Variants in SLC9D1 observed in about 807,000 individuals in gnomAD.
SLC9D1 encodes the protein putative LAG1-interacting protein.
chr13:113,543,946 C>G, the SLC9D1 span, among the ~76,000 whole-genome samples: 9 of 152,320 alleles, frequency 5.9e-5, no homozygotes, highest in East Asian at 1.7e-3. Flanking sequence ...TTGTTTATAG[C>G]TCACTTTTTT....
the SLC9D1 span, among the ~76,000 whole-genome samples, chr13:113,532,653 A>C: frequency 2.0e-5 from 3 of 151,632 alleles, no homozygotes; most frequent in Non-Finnish European, 4.4e-5. Context: ...AGCTGTCAGG[A>C]GTGCGGCAGG....
the SLC9D1 span, chr13:113,491,028 C>G: frequency 6.2e-6 from 1 of 162,326 alleles, no homozygotes; most frequent in African/African-American, 2.4e-5. Context: ...GGCGGGAGTC[C>G]GGGTCGGCTT....
the SLC9D1 span, chr13:113,501,873 G>A: frequency 1.2e-6 from 2 of 1,608,712 alleles, no homozygotes; most frequent in South Asian, 1.1e-5. Flanking sequence ...GGACTAAATA[G>A]TATTAAGGTA....
At chr13:113,524,196 C>G in the SLC9D1 span, 1 of 455,452 alleles carries the variant, frequency 2.2e-6, no homozygotes, top group Non-Finnish European at 4.4e-6. Context: ...ATTGAAGTCC[C>G]CCGTTAGAAT....
At chr13:113,527,009 G>C in the SLC9D1 span, among the ~76,000 whole-genome samples, 1 of 152,252 alleles carries the variant, frequency 6.6e-6, no homozygotes, top group Non-Finnish European at 1.5e-5. Context: ...GCAGTGCCAG[G>C]CGGCCTGGGT....
chr13:113,540,258 C>A, the SLC9D1 span, among the ~76,000 whole-genome samples: 2 of 152,166 alleles, frequency 1.3e-5, no homozygotes, highest in Non-Finnish European at 2.9e-5. Flanking sequence ...GCAAACTCAG[C>A]AGTGGGATTG....
chr13:113,536,514 A>G, the SLC9D1 span: 2 of 948,888 alleles, frequency 2.1e-6, no homozygotes, highest in Non-Finnish European at 1.3e-6. Context: ...TGTTTTATCC[A>G]TTCCAGAGTA....
the SLC9D1 span, among the ~76,000 whole-genome samples, chr13:113,546,062 C>T: frequency 3.9e-5 from 6 of 152,026 alleles, no homozygotes; most frequent in African/African-American, 9.7e-5. This position sits in a 1 kb window ranked among gnomAD's most constrained non-coding sequence, Gnocchi z 7.1. Context: ...CCTGTGTGGC[C>T]GCGATGTGAG....
At chr13:113,492,188 A>G in the SLC9D1 span, among the ~76,000 whole-genome samples, 1 of 152,110 alleles carries the variant, frequency 6.6e-6, no homozygotes, top group Admixed American at 6.5e-5. Context: ...GTTGCCCAGG[A>G]TGATCTCCAA....
chr13:113,506,558 A>AGTGTGTGTGTGTGTGTGT, the SLC9D1 span, among the ~76,000 whole-genome samples: 1 of 109,780 alleles, frequency 9.1e-6, no homozygotes, highest in Non-Finnish European at 1.8e-5. Context: ...TGTGTGTGTG[A>AGTGTGTGTGTGTGTGTGT]GTGTGTGTGT....
chr13:113,534,240 G>A, the SLC9D1 span: 3 of 1,608,004 alleles, frequency 1.9e-6, no homozygotes, highest in Non-Finnish European at 2.6e-6. Flanking sequence ...TAATGTTAAC[G>A]GTAATTCTCA....
the SLC9D1 span, among the ~76,000 whole-genome samples, chr13:113,539,139 T>C: frequency 6.6e-6 from 1 of 152,178 alleles, no homozygotes; most frequent in South Asian, 2.1e-4. This position sits in a 1 kb window ranked among gnomAD's most constrained non-coding sequence, Gnocchi z 4.8. Context: ...TTTTAAACAA[T>C]TTTTTTCTCC....
At chr13:113,532,112 G>A in the SLC9D1 span, among the ~76,000 whole-genome samples, 3 of 152,224 alleles carry the variant, frequency 2.0e-5, no homozygotes, top group African/African-American at 7.2e-5. Flanking sequence ...TCTGCACACA[G>A]TGCTCTAGGG....
At chr13:113,501,101 T>G in the SLC9D1 span, among the ~76,000 whole-genome samples, 1 of 152,152 alleles carries the variant, frequency 6.6e-6, no homozygotes, top group Non-Finnish European at 1.5e-5. Flanking sequence ...GCCACGTGAA[T>G]TACAGTTTGG....
chr13:113,509,876 C>T, the SLC9D1 span, among the ~76,000 whole-genome samples: 1 of 152,178 alleles, frequency 6.6e-6, no homozygotes, highest in Admixed American at 6.5e-5. Context: ...TTCCTGGCTC[C>T]AACATTTACT....
At chr13:113,510,065 C>T in the SLC9D1 span, among the ~76,000 whole-genome samples, 28,192 of 152,118 alleles carry the variant, frequency 0.19, 3,453 homozygotes, top group African/African-American at 0.35. Flanking sequence ...CAGTGCCTGG[C>T]ACAGAGGAAG....
chr13:113,540,179 T>G, the SLC9D1 span, among the ~76,000 whole-genome samples: 1 of 152,220 alleles, frequency 6.6e-6, no homozygotes, highest in Non-Finnish European at 1.5e-5. Flanking sequence ...TTTGCTGCTG[T>G]GAATGGCGCG....
At chr13:113,526,070 G>A in the SLC9D1 span, among the ~76,000 whole-genome samples, 271 of 151,788 alleles carry the variant, frequency 1.8e-3, no homozygotes, top group East Asian at 3.1e-3. Context: ...CGTCGTCGTC[G>A]TAGGAGACGA....
chr13:113,527,427 G>C, the SLC9D1 span: 1 of 152,124 alleles, frequency 6.6e-6, no homozygotes, highest in South Asian at 2.1e-4. Context: ...GCGTCACTCC[G>C]AGGGCATCTC....
Sources: allele counts gnomAD v4.1 joint callset (sites outside exome capture counted in the v4.1 genomes callset), GRCh38; gene constraint gnomAD v4.1.1; non-coding constraint Gnocchi (gnomAD v3.1); transcripts MANE v1.5; gene names NCBI Gene and HGNC (gene_info 2026-07-23, HGNC 2026-07-21).